Variants in DMD observed in about 807,000 individuals in gnomAD.
The protein encoded by DMD is dystrophin.
DMD carries 63 observed loss-of-function variants against 330.1 expected under a neutral mutation model. The ratio of observed to expected loss-of-function variants is 0.19; its 90% CI spans 0.16 to 0.24. The LOEUF (loss-of-function observed/expected upper bound fraction) is 0.24. Ranked by LOEUF, DMD falls within the 10% of genes least tolerant of loss-of-function variation. The probability of loss-of-function intolerance (pLI) is 1.00; values close to 1 mark genes in which losing one functional copy is unlikely to be tolerated. For missense variants in DMD, 3,344 were observed against 2,684.1 expected (o/e 1.25, Z -5.43); for synonymous variants, 1,223 against 959.8 (o/e 1.27, Z -5.07).
intron 49 of DMD, among the ~76,000 whole-genome samples, chrX:31,830,576 A>G (rs183539639): frequency 8.9e-6 from 1 of 112,457 alleles, no homozygotes; most frequent in Admixed American, 9.4e-5. Flanking sequence ...CCTGGGCAAC[A>G]AGAGCGAAAC....
At chrX:31,876,570 G>A (rs1037169020) in intron 47 of DMD, among the ~76,000 whole-genome samples, 16 of 110,689 alleles carry the variant, frequency 1.4e-4, no homozygotes, top group Non-Finnish European at 3.8e-5. Context: ...GCCAGGATAG[G>A]CTGAGCACTG....
chrX:32,298,562 T>C (rs1008051802), intron 42 of DMD, among the ~76,000 whole-genome samples: 4 of 109,772 alleles, frequency 3.6e-5, no homozygotes, highest in African/African-American at 1.4e-4. Flanking sequence ...ACTAGAGATA[T>C]AAATTTGAGA....
intron 1 of DMD, among the ~76,000 whole-genome samples, chrX:33,159,833 T>C (rs888982088): frequency 1.1e-4 from 12 of 111,787 alleles, no homozygotes; most frequent in African/African-American, 3.9e-4. Context: ...ATGGTATTTC[T>C]GGTTCTAGAT....
At chrX:32,987,863 CTGAG>C (rs771183390) in intron 2 of DMD, among the ~76,000 whole-genome samples, 27 of 108,367 alleles carry the variant, frequency 2.5e-4, no homozygotes, top group East Asian at 5.8e-4. Context: ...TGTATCCTCC[CTGAG>C]TGAGTAATAT....
intron 27 of DMD, among the ~76,000 whole-genome samples, chrX:32,447,084 G>A (rs2098308588): frequency 9.0e-6 from 1 of 110,799 alleles, no homozygotes; most frequent in Non-Finnish European, 1.9e-5. Context: ...AGGGAACAAT[G>A]ATGCTTATTT....
At chrX:31,802,600 T>C (rs765423745) in intron 50 of DMD, among the ~76,000 whole-genome samples, 2 of 110,923 alleles carry the variant, frequency 1.8e-5, no homozygotes, top group African/African-American at 6.6e-5. Context: ...GGTGGGAAGG[T>C]TTTAAGAATG....
chrX:32,406,796 A>G (rs749837289), intron 30 of DMD, among the ~76,000 whole-genome samples: 47 of 111,666 alleles, frequency 4.2e-4, no homozygotes, highest in Admixed American at 1.6e-3. Flanking sequence ...AATGGAACAG[A>G]ACAAAGCCCT....
At chrX:32,180,987 T>C (rs1031363846) in intron 44 of DMD, among the ~76,000 whole-genome samples, 1 of 111,804 alleles carries the variant, frequency 8.9e-6, no homozygotes, top group African/African-American at 3.3e-5. Flanking sequence ...AATCCCAGGA[T>C]GATGGTTCTC....
At chrX:31,931,336 A>G (rs2094849539) in intron 46 of DMD, among the ~76,000 whole-genome samples, 3 of 110,312 alleles carry the variant, frequency 2.7e-5, no homozygotes, top group African/African-American at 6.6e-5. Flanking sequence ...TAAAACCATG[A>G]AAGTTAATCC....
chrX:31,207,733 G>C (rs1374659148), intron 65 of DMD, among the ~76,000 whole-genome samples: 1 of 111,808 alleles, frequency 8.9e-6, no homozygotes, highest in Admixed American at 9.5e-5. Flanking sequence ...GAGGGTGGAA[G>C]GAGGGAGAGG....
chrX:32,373,654 C>T (rs1354793724), intron 34 of DMD, among the ~76,000 whole-genome samples: 2 of 111,868 alleles, frequency 1.8e-5, no homozygotes, highest in Non-Finnish European at 1.9e-5. Context: ...AGCCCATGGG[C>T]TGTACAAAAG....
intron 7 of DMD, among the ~76,000 whole-genome samples, chrX:32,730,826 GAA>G (rs1351750956): frequency 8.9e-6 from 1 of 111,952 alleles, no homozygotes; most frequent in African/African-American, 3.2e-5. Context: ...GCCATGAGCA[GAA>G]AAAGAGTAGG....
intron 7 of DMD, among the ~76,000 whole-genome samples, chrX:32,783,244 G>A (rs111213540): frequency 0.08 from 7,642 of 95,658 alleles, 781 homozygotes; most frequent in African/African-American, 0.27. Flanking sequence ...ATACACATAT[G>A]TGTATATACG....
At chrX:32,820,879 G>A (rs2078182748) in intron 5 of DMD, among the ~76,000 whole-genome samples, 1 of 111,686 alleles carries the variant, frequency 9.0e-6, no homozygotes, top group Non-Finnish European at 1.9e-5. Flanking sequence ...TTTTTGTAAC[G>A]CTTTGGTTTT....
chrX:31,889,620 GTCTCTC>G (rs34605571), intron 47 of DMD, among the ~76,000 whole-genome samples: 16,845 of 80,428 alleles, frequency 0.21, 1,282 homozygotes, highest in African/African-American at 0.29. Context: ...CTCTCTCTCT[GTCTCTC>G]TCTCTCTCTC....
chrX:32,076,011 G>A (rs1429497639), intron 44 of DMD, among the ~76,000 whole-genome samples: 1 of 81,177 alleles, frequency 1.2e-5, no homozygotes, highest in African/African-American at 4.9e-5. Flanking sequence ...CCATGCCATT[G>A]CACTGCACTC....
At chrX:32,616,712 T>C (rs1056451605) in intron 11 of DMD, among the ~76,000 whole-genome samples, 1 of 87,190 alleles carries the variant, frequency 1.1e-5, no homozygotes, top group Non-Finnish European at 2.0e-5. Flanking sequence ...TTTTTTTTTT[T>C]TTTCTTTAAA....
chrX:32,978,991 C>T (rs1429417746), intron 2 of DMD, among the ~76,000 whole-genome samples: 1 of 111,816 alleles, frequency 8.9e-6, no homozygotes, highest in African/African-American at 3.3e-5. Flanking sequence ...AATTATTTCT[C>T]CTAGACAGAA....
chrX:32,829,066 T>A, intron 4 of DMD, among the ~76,000 whole-genome samples: 1 of 111,805 alleles, frequency 8.9e-6, no homozygotes. Context: ...TTCTTATAAT[T>A]CAACAAAATT....
Sources: allele counts gnomAD v4.1 joint callset (sites outside exome capture counted in the v4.1 genomes callset), GRCh38; gene constraint gnomAD v4.1.1; transcripts MANE v1.5; gene names NCBI Gene and HGNC (gene_info 2026-07-23, HGNC 2026-07-21).